Variants in ZBTB47 observed in about 807,000 individuals in gnomAD.
ZBTB47 encodes zinc finger and BTB domain-containing protein 47.
Under a neutral mutation model 56.6 loss-of-function variants are expected in ZBTB47, and 24 were observed. The ratio of observed to expected loss-of-function variants is 0.42; its 90% CI spans 0.31 to 0.60. The LOEUF (loss-of-function observed/expected upper bound fraction) is 0.60. Ranked by LOEUF, ZBTB47 falls within the 20% of genes least tolerant of loss-of-function variation. The pLI is 0.14. For missense variants in ZBTB47, 829 were observed against 1,032.6 expected, an observed-to-expected ratio of 0.80 and a Z score of 2.70; for synonymous variants, 414 against 418.9, an observed-to-expected ratio of 0.99 and a Z score of 0.14.
rs370242060 is a variant in ZBTB47, at chr3:42,664,468, C to T, written c.2114C>T (p.Pro705Leu). ...PAAPGLPPTQ[P>L]QAHALPLLPG... ...GCCCCAGGCCTGCCCCCAACCCAGC[C>T]CCAGGCGCACGCACTGCCCCTGCTC... Residue 705 changes from proline (P) to leucine (L), a missense_variant, in exon 6 of 6, where the codon CCC (proline) becomes CTC (leucine). By Grantham distance (98) the Pro-to-Leu change is moderately conservative. Transcript: ENST00000232974. The T allele has an allele frequency of 1.4e-3, 2,160 of 1,515,818 alleles. 32 individuals are homozygous for T. The African/African-American group carries it at 0.027, about 19-fold the overall frequency. 93.9% of individuals were successfully genotyped at this position (1,515,818 alleles called of 1,614,324 possible). A position where few individuals can be genotyped will look rare whatever the true frequency, so the allele number is the denominator to read the frequency against.
chr3:42,658,227 C>G, intron 1 of ZBTB47, 48 bp from the exon 2 acceptor site: 10 of 1,433,548 alleles, frequency 7.0e-6, no homozygotes, highest in African/African-American at 4.3e-5. Flanking sequence ...GAAGGGCGGG[C>G]AGGGGCCCAC....
intron 1 of ZBTB47, among the ~76,000 whole-genome samples, chr3:42,655,932 C>A (rs1423338329): frequency 6.6e-6 from 1 of 152,242 alleles, no homozygotes; most frequent in Admixed American, 6.5e-5. Context: ...CCTCATTTGG[C>A]CTAGAGGCCA....
In ZBTB47 at chr3:42,659,192, G is replaced by C; in HGVS notation, c.837G>C (p.Glu279Asp). The change falls in exon 2 of 6, where the codon GAG becomes GAC. Residue 279 changes from glutamate (E) to aspartate (D), a missense_variant. Coordinates refer to ENST00000232974, the MANE Select transcript of ZBTB47 (RefSeq NM_145166.4). Reference protein sequence around the residue: ...EDGLQRHSDEEEEDDEEEEEE... With the variant: ...EDGLQRHSDEDEEDDEEEEEE... ...GGCTGCAGAGACACTCGGACGAGGA[G>C]GAGGAGGACGACGAGGAGGAGGAGG... is the stretch of plus-strand genomic sequence containing the variant. The C allele has an allele frequency of 6.6e-7, 1 of 1,525,072 alleles. No homozygotes were observed. The allele number at this position is 1,525,072 out of a possible 1,614,324, so 94.5% of individuals were successfully genotyped here.
Position 42,658,350 on chromosome 3 carries a change from T to G in ZBTB47, c.-6T>G. ...GGAGGACGTGGCGCTGCACTTTGCC[T>G]GCTTGATGGGCCGCCTGAACGAGCA... On this transcript the variant is annotated 5_prime_UTR_variant, in exon 2 of 6. Coordinates refer to ENST00000232974, the MANE Select transcript of ZBTB47 (RefSeq NM_145166.4). The G allele has an allele frequency of 3.3e-6, 5 of 1,530,346 alleles. No homozygotes were observed. The highest frequency in any genetic ancestry group is 1.2e-5 in the South Asian group (1 of 83,516). The allele number at this position is 1,530,346 out of a possible 1,614,324, so 94.8% of individuals were successfully genotyped here.
chr3:42,659,167 G>A lies in ZBTB47; in HGVS notation c.812G>A (p.Gly271Glu), dbSNP rs1371871009. Residue 271 changes from glycine to glutamate, a missense_variant, in exon 2 of 6, where the codon GGG becomes GAG. Gly to Glu is a moderately conservative substitution (Grantham distance 98). Around this residue, in one of 6 missense-constraint regions of ZBTB47, gnomAD observed 359 missense variants for 359.8 expected, o/e 1.00. Transcript: ENST00000232974. The part of the protein sequence containing the change: ...PATVVLGRED[G>E]LQRHSDEEEE... ...ACCGTGGTTCTGGGCCGGGAGGACG[G>A]GCTGCAGAGACACTCGGACGAGGAG... is the stretch of plus-strand genomic sequence containing the variant. 27 of 1,520,912 alleles carry A rather than the reference G, an allele frequency of 1.8e-5. No homozygotes were observed. Among genetic ancestry groups the A allele is most frequent in the Non-Finnish European group, 2.2e-5 (25 of 1,138,880 alleles). The allele number at this position is 1,520,912 out of a possible 1,614,324, so 94.2% of individuals were successfully genotyped here. A position where few individuals can be genotyped will look rare whatever the true frequency, so the allele number is the denominator to read the frequency against.
At position 42,659,137 on chromosome 3, in the gene ZBTB47, C is replaced by G. The variant is rs951511200; in HGVS notation, c.782C>G (p.Pro261Arg). ...PEGKPGAGPS[P>R]ATVVLGREDG... ...GGGAAGCCAGGTGCCGGGCCAAGCCCAGCCACCGTGGTTCTGGGCCGGGAG... is the reference window on the plus strand; with the variant it reads ...GGGAAGCCAGGTGCCGGGCCAAGCCGAGCCACCGTGGTTCTGGGCCGGGAG... Residue 261 changes from proline (P) to arginine (R), a missense_variant, in exon 2 of 6, where the codon CCA becomes CGA. Coordinates refer to ENST00000232974, the MANE Select transcript of ZBTB47 (RefSeq NM_145166.4). 6.6e-7 allele frequency: 1 copy of G among 1,504,228 alleles called. No homozygotes were observed. Among genetic ancestry groups the G allele is most frequent in the East Asian group, 2.5e-5 (1 of 40,570 alleles). 93.2% of individuals were successfully genotyped at this position (1,504,228 alleles called of 1,614,324 possible). A position where few individuals can be genotyped will look rare whatever the true frequency, so the allele number is the denominator to read the frequency against.
rs1376836859 is a variant in ZBTB47, at chr3:42,665,338, G to A, written c.*740G>A. 1 of 152,666 alleles carries A rather than the reference G, an allele frequency of 6.6e-6. No individual in the cohort carries two copies. Among genetic ancestry groups the A allele is most frequent in the Admixed American group, 6.5e-5 (1 of 15,282 alleles). The allele number at this position is 152,666 out of a possible 1,614,324, so 9.5% of individuals were successfully genotyped here. The stretch of plus-strand genomic sequence containing the variant: ...CTGACCTGCACCAGGTGGCACCAAG[G>A]GTCCTGAGTCCTGGAGATGTCCCCA... On this transcript the variant is annotated 3_prime_UTR_variant, in exon 6 of 6. Coordinates refer to ENST00000232974, the MANE Select transcript of ZBTB47 (RefSeq NM_145166.4).
rs750442416 is a variant in ZBTB47 at position 42,664,224 on chromosome 3, C to T, written c.1883-13C>T. 2.9e-5 allele frequency: 46 copies of T among 1,612,772 alleles called. No homozygotes were observed. The highest frequency in any genetic ancestry group is 3.6e-5 in the Non-Finnish European group (43 of 1,179,416). On this transcript the variant is annotated splice_polypyrimidine_tract_variant and intron_variant, in intron 5 of 5. Coordinates refer to ENST00000232974, the MANE Select transcript of ZBTB47 (RefSeq NM_145166.4). Reference sequence around the variant, plus strand: ...CCCTCACTGACGCCCTGCTGCCCACCCCCAACCCCCAGGAGAGAAGCCGTA... The same window carrying T: ...CCCTCACTGACGCCCTGCTGCCCACTCCCAACCCCCAGGAGAGAAGCCGTA...
In ZBTB47 at chr3:42,658,832, C is replaced by G; in HGVS notation, c.477C>G (p.Gly159=). The G allele has an allele frequency of 6.5e-7, 1 of 1,533,572 alleles. No individual in the cohort carries two copies. Among genetic ancestry groups the G allele is most frequent in the South Asian group, 1.2e-5 (1 of 83,526 alleles). The allele number at this position is 1,533,572 out of a possible 1,614,324, so 95.0% of individuals were successfully genotyped here. A position where few individuals can be genotyped will look rare whatever the true frequency, so the allele number is the denominator to read the frequency against. The change falls in exon 2 of 6, where the codon GGC becomes GGG. Residue 159 remains glycine, a synonymous_variant. Transcript: ENST00000232974. ...TGCCCAAGATCTATGCCCGCGAGGG[C>G]CCTGACCCTTACTCGGTGCGTGTTG... The part of the protein sequence containing the change: ...PGLPKIYARE[G]PDPYSVRVED...
rs937257482 is a variant in ZBTB47, at chr3:42,654,404, G to C, written c.-82+521G>C. ...CGCGCCCCCCGCCGGCACGCAGGCGGCCTGGCCCTTTAAGCGTCCAGACGG... is the reference window on the plus strand; with the variant it reads ...CGCGCCCCCCGCCGGCACGCAGGCGCCCTGGCCCTTTAAGCGTCCAGACGG... On this transcript the variant is annotated intron_variant, in intron 1 of 5. Transcript: ENST00000232974. This position sits in a 1 kb window ranked among gnomAD's most constrained non-coding sequence, Gnocchi z 5.0. The C allele has an allele frequency of 1.3e-5, 2 of 151,402 alleles. No individual in the cohort carries two copies. Among genetic ancestry groups the C allele is most frequent in the Admixed American group, 1.3e-4 (2 of 15,222 alleles). 9.4% of individuals were successfully genotyped at this position (151,402 alleles called of 1,614,324 possible).
At chr3:42,661,172 A>G (rs1351788336) in intron 2 of ZBTB47, among the ~76,000 whole-genome samples, 1 of 152,136 alleles carries the variant, frequency 6.6e-6, no homozygotes, top group East Asian at 1.9e-4. Context: ...CCTTACCTCT[A>G]TAGACAGACA....
Position 42,664,454 on chromosome 3 carries a change from G to A in ZBTB47, c.2100G>A (p.Leu700=), listed in dbSNP as rs758633901. 7.9e-6 allele frequency: 12 copies of A among 1,524,150 alleles called. No individual in the cohort carries two copies. The African/African-American group carries it at 1.4e-4, about 17-fold the overall frequency. 94.4% of individuals were successfully genotyped at this position (1,524,150 alleles called of 1,614,324 possible). A position where few individuals can be genotyped will look rare whatever the true frequency, so the allele number is the denominator to read the frequency against. ...ACGGCGTCCCCGCTGCCCCAGGCCT[G>A]CCCCCAACCCAGCCCCAGGCGCACG... The part of the protein sequence containing the change: ...AGDGVPAAPG[L]PPTQPQAHAL... The change falls in exon 6 of 6, where the codon CTG becomes CTA. Residue 700 remains leucine (L), a synonymous_variant. Transcript: ENST00000232974.
At position 42,658,953 on chromosome 3, in the gene ZBTB47, G is replaced by A. The variant is rs1710673470; in HGVS notation, c.598G>A (p.Ala200Thr). ...GGAGAAGGAGGGTGGTGTCGAGGAG[G>A]CCGGTGGGCCCCCAGCCAGCTTGTG... ...KEEKEGGVEE[A>T]GGPPASLCKL... Residue 200 changes from alanine (A) to threonine (T), a missense_variant, in exon 2 of 6, where the codon GCC (alanine) becomes ACC (threonine). Ala to Thr is a moderately conservative substitution (Grantham distance 58). Around this residue, in one of 6 missense-constraint regions of ZBTB47, gnomAD observed 359 missense variants for 359.8 expected, o/e 1.00. Coordinates refer to ENST00000232974, the MANE Select transcript of ZBTB47 (RefSeq NM_145166.4). 6.6e-7 allele frequency: 1 copy of A among 1,504,052 alleles called. No homozygotes were observed. 93.2% of individuals were successfully genotyped at this position (1,504,052 alleles called of 1,614,324 possible). A position where few individuals can be genotyped will look rare whatever the true frequency, so the allele number is the denominator to read the frequency against.
In ZBTB47 at chr3:42,656,490, C is replaced by T. The variant is rs1342049881; in HGVS notation, c.-81-1785C>T. ...AGATGGGAGGGGCTTGGTGCCACGT[C>T]CCAGTTAGATTGGCCAGGCCTGGAC... On this transcript the variant is annotated intron_variant, in intron 1 of 5. Transcript: ENST00000232974. The surrounding 1 kb of genome is among the most constrained non-coding windows in gnomAD (Gnocchi z 5.8). Among the ~76,000 whole-genome samples the T allele has an allele frequency of 6.6e-6, 1 of 152,074 alleles. No individual in the cohort carries two copies. The highest frequency in any genetic ancestry group is 2.4e-5 in the African/African-American group (1 of 41,414).
In ZBTB47 at chr3:42,664,616, T is replaced by C. The variant is rs1378349806; in HGVS notation, c.*18T>C. On this transcript the variant is annotated 3_prime_UTR_variant, in exon 6 of 6. Transcript: ENST00000232974. Reference sequence around the variant, plus strand: ...ACAACTAGCTGCCGAGCTGCACCCGTGCACCCGCTGGGGCCTGGAGTCAGG... The same window carrying C: ...ACAACTAGCTGCCGAGCTGCACCCGCGCACCCGCTGGGGCCTGGAGTCAGG... The C allele has an allele frequency of 6.5e-6, 9 of 1,392,966 alleles. No individual in the cohort carries two copies. The Admixed American group carries it at 1.1e-4, about 17-fold the overall frequency. The allele number at this position is 1,392,966 out of a possible 1,614,324, so 86.3% of individuals were successfully genotyped here.
Position 42,663,687 on chromosome 3 carries a change from G to T in ZBTB47, c.1738-110G>T. On this transcript the variant is annotated intron_variant, in intron 4 of 5. Coordinates refer to ENST00000232974, the MANE Select transcript of ZBTB47 (RefSeq NM_145166.4). The surrounding 1 kb of genome is among the most constrained non-coding windows in gnomAD (Gnocchi z 5.1). ...CATGTCCCCATCTCCTTGCCCAGGA[G>T]CCCCTGAGTGTGTCCCTCCTTGGCC... 7.2e-7 allele frequency: 1 copy of T among 1,395,184 alleles called. No homozygotes were observed. Among genetic ancestry groups the T allele is most frequent in the Admixed American group, 2.2e-5 (1 of 45,840 alleles). 86.4% of individuals were successfully genotyped at this position (1,395,184 alleles called of 1,614,324 possible). A position where few individuals can be genotyped will look rare whatever the true frequency, so the allele number is the denominator to read the frequency against.
At chr3:42,660,963 T>C (rs1389244280) in intron 2 of ZBTB47, among the ~76,000 whole-genome samples, 4 of 152,110 alleles carry the variant, frequency 2.6e-5, no homozygotes, top group South Asian at 2.1e-4. Flanking sequence ...CCCACCACTC[T>C]CTGTGCCTGA....
upstream of ZBTB47, chr3:42,653,616 CT>C (rs2125834851): frequency 6.5e-6 from 1 of 152,714 alleles, no homozygotes; most frequent in South Asian, 2.1e-4. Flanking sequence ...AGCCAGCCCC[CT>C]GCCCCCACGG....
intron 5 of ZBTB47, 147 bp from the exon 6 acceptor site, chr3:42,664,090 G>A (rs1577629745): frequency 1.4e-6 from 2 of 1,471,880 alleles, no homozygotes; most frequent in African/African-American, 1.4e-5. Flanking sequence ...GGTTGGGTGA[G>A]GCTGGCACAA....
Sources: allele counts gnomAD v4.1 joint callset (sites outside exome capture counted in the v4.1 genomes callset), GRCh38; gene constraint gnomAD v4.1.1; regional missense constraint gnomAD v4.1.1; non-coding constraint Gnocchi (gnomAD v3.1); transcripts MANE v1.5; gene names NCBI Gene and HGNC (gene_info 2026-07-23, HGNC 2026-07-21).